Variants in SUPT3H observed in about 807,000 individuals in gnomAD.
SUPT3H encodes transcription initiation protein SPT3 homolog.
A neutral mutation model predicts 44.3 loss-of-function variants in SUPT3H; 44 were observed. The observed-to-expected ratio is 0.99, with a 90% CI of 0.78 to 1.28. The LOEUF (loss-of-function observed/expected upper bound fraction) is 1.28. Among genes scored for constraint, SUPT3H ranks in the 50% most tolerant of loss-of-function variants. SUPT3H has a pLI of 0.00. For missense variants in SUPT3H, 380 were observed against 387.1 expected, an observed-to-expected ratio of 0.98 and a Z score of 0.15; for synonymous variants, 124 against 125.6, an observed-to-expected ratio of 0.99 and a Z score of 0.09.
chr6:44,978,741 GA>G (rs1191819545), intron 6 of SUPT3H, among the ~76,000 whole-genome samples: 2 of 152,102 alleles, frequency 1.3e-5, no homozygotes, highest in Non-Finnish European at 2.9e-5. Context: ...CAACATGAAG[GA>G]TCCACATGGG....
chr6:45,078,111 G>C (rs1391633282), intron 3 of SUPT3H, among the ~76,000 whole-genome samples: 6 of 152,148 alleles, frequency 3.9e-5, no homozygotes, highest in Admixed American at 3.9e-4. Context: ...GACTTCAAGT[G>C]ATCTGCCCGC....
At chr6:45,264,968 AT>A (rs1287788484) in intron 2 of SUPT3H, among the ~76,000 whole-genome samples, 1 of 152,182 alleles carries the variant, frequency 6.6e-6, no homozygotes, top group Non-Finnish European at 1.5e-5. Flanking sequence ...AAGGAAAAAA[AT>A]CACTTTAATG....
intron 2 of SUPT3H, among the ~76,000 whole-genome samples, chr6:45,216,590 A>C (rs1308489073): frequency 6.6e-6 from 1 of 152,190 alleles, no homozygotes; most frequent in Non-Finnish European, 1.5e-5. Flanking sequence ...ACATAGACTG[A>C]AAGTGAAAAG....
chr6:45,144,212 A>G (rs938443411), intron 2 of SUPT3H, among the ~76,000 whole-genome samples: 6 of 152,130 alleles, frequency 3.9e-5, no homozygotes, highest in Admixed American at 6.6e-5. Context: ...GTATCACCCT[A>G]ATACCAAAAC....
Position 45,009,128 on chromosome 6 carries a change from C to T in SUPT3H, c.365-5336G>A, listed in dbSNP as rs1186495303. On this transcript the variant is annotated intron_variant, in intron 5 of 10. Coordinates refer to ENST00000371459, the MANE Select transcript of SUPT3H (RefSeq NM_003599.4). ...GCCCATTTTTAAATTGGGCCACTGT[C>T]TTTTTATTGTTAAGTTGCATGCATT... Among the ~76,000 whole-genome samples the T allele has an allele frequency of 6.6e-5, 10 of 152,018 alleles. No homozygotes were observed. In the South Asian group the frequency reaches 2.1e-3, roughly 32 times the overall value.
chr6:45,256,721 C>CCATAGTGTTTTCAAGCTTCATTCAT (rs1773473728), intron 2 of SUPT3H, among the ~76,000 whole-genome samples: 1 of 152,046 alleles, frequency 6.6e-6, no homozygotes, highest in African/African-American at 2.4e-5. Flanking sequence ...TTTTCATTTA[C>CCATAGTGTTTTCAAGCTTCATTCAT]CATAGTGTTT....
chr6:45,358,400 C>G (rs1239394390), intron 2 of SUPT3H, among the ~76,000 whole-genome samples: 3 of 152,252 alleles, frequency 2.0e-5, no homozygotes, highest in African/African-American at 7.2e-5. Flanking sequence ...ACTAAAATTT[C>G]TATCACTGTG....
chr6:45,297,082 A>T (rs1781412317), intron 2 of SUPT3H, among the ~76,000 whole-genome samples: 1 of 151,884 alleles, frequency 6.6e-6, no homozygotes, highest in Non-Finnish European at 1.5e-5. Flanking sequence ...AAATTTAAAA[A>T]AAAAAAAAAG....
Position 45,332,932 on chromosome 6 carries a change from G to A in SUPT3H, c.101+32269C>T, listed in dbSNP as rs532069593. Reference sequence around the variant, plus strand: ...TATTTTTTCTCCTATACCAATGAACGCTGCAACTTCCACTGAAGATAGATA... The same window carrying A: ...TATTTTTTCTCCTATACCAATGAACACTGCAACTTCCACTGAAGATAGATA... On this transcript the variant is annotated intron_variant, in intron 2 of 10. Coordinates refer to ENST00000371459, the MANE Select transcript of SUPT3H (RefSeq NM_003599.4). 6.6e-5 allele frequency among the ~76,000 whole-genome samples: 10 copies of A among 151,490 alleles called. No individual in the cohort carries two copies. In the South Asian group the frequency reaches 8.3e-4, roughly 13 times the overall value.
At chr6:44,960,461 AAAAC>A (rs1160581047) in intron 7 of SUPT3H, among the ~76,000 whole-genome samples, 482 of 148,322 alleles carry the variant, frequency 3.2e-3, no homozygotes, top group African/African-American at 6.8e-3. Context: ...AAAACAAACA[AAAAC>A]AAACAAACAA....
intron 2 of SUPT3H, among the ~76,000 whole-genome samples, chr6:45,201,976 C>T (rs1365744337): frequency 3.3e-5 from 5 of 151,822 alleles, no homozygotes; most frequent in South Asian, 2.1e-4. Flanking sequence ...AGAATATGCA[C>T]GACTAATCAA....
At chr6:45,325,899 A>G (rs1466059837) in intron 2 of SUPT3H, among the ~76,000 whole-genome samples, 2 of 151,960 alleles carry the variant, frequency 1.3e-5, no homozygotes, top group South Asian at 2.1e-4. Flanking sequence ...TCGTTTTAGG[A>G]AAAAAATTCA....
At chr6:45,322,871 T>A in intron 2 of SUPT3H, 1 of 1,610,490 alleles carries the variant, frequency 6.2e-7, no homozygotes, top group Non-Finnish European at 8.5e-7. Flanking sequence ...GGAGAGCCTC[T>A]GTCTCACCTG....
At chr6:45,334,500 A>T (rs190499909) in intron 2 of SUPT3H, among the ~76,000 whole-genome samples, 31 of 150,910 alleles carry the variant, frequency 2.1e-4, no homozygotes, top group Admixed American at 2.0e-3. Context: ...AAATCACAAT[A>T]ACAATCATCA....
At chr6:44,889,771 TTAAAC>T (rs1272237274) in intron 10 of SUPT3H, among the ~76,000 whole-genome samples, 2 of 152,166 alleles carry the variant, frequency 1.3e-5, no homozygotes, top group East Asian at 3.9e-4. Context: ...TGGGATCTAA[TTAAAC>T]TAAAGAGCTT....
At chr6:44,894,228 T>G (rs1203661572) in intron 10 of SUPT3H, among the ~76,000 whole-genome samples, 2 of 147,692 alleles carry the variant, frequency 1.4e-5, no homozygotes, top group Non-Finnish European at 3.0e-5. Flanking sequence ...TTAGTTTAAT[T>G]AGATCCCATT....
At chr6:45,286,894 A>C (rs1006647439) in intron 2 of SUPT3H, among the ~76,000 whole-genome samples, 17 of 152,216 alleles carry the variant, frequency 1.1e-4, no homozygotes, top group Admixed American at 2.6e-4. Context: ...CATACACACC[A>C]TGGAATACTA....
intron 2 of SUPT3H, among the ~76,000 whole-genome samples, chr6:45,318,444 A>T (rs940819865): frequency 6.6e-6 from 1 of 152,154 alleles, no homozygotes; most frequent in Non-Finnish European, 1.5e-5. Flanking sequence ...ATATTGGTTC[A>T]TCAATTGTTA....
intron 10 of SUPT3H, among the ~76,000 whole-genome samples, chr6:44,905,215 C>A (rs1765800169): frequency 6.6e-6 from 1 of 152,030 alleles, no homozygotes; most frequent in Admixed American, 6.6e-5. Flanking sequence ...AAAGAAACTA[C>A]CATCAGAGTG....
Sources: allele counts gnomAD v4.1 joint callset (sites outside exome capture counted in the v4.1 genomes callset), GRCh38; gene constraint gnomAD v4.1.1; transcripts MANE v1.5; gene names NCBI Gene and HGNC (gene_info 2026-07-23, HGNC 2026-07-21).